RNF19B: variants seen among roughly 807,000 people sequenced by gnomAD.
The protein encoded by RNF19B is ring finger protein 19B.
A neutral mutation model predicts 65.5 loss-of-function variants in RNF19B; 23 were observed. The ratio of observed to expected loss-of-function variants is 0.35; its 90% confidence interval spans 0.25 to 0.50. The LOEUF (loss-of-function observed/expected upper bound fraction) is 0.50. RNF19B is among the 20% of genes least tolerant of loss of function. The pLI, the probability that RNF19B is intolerant of heterozygous loss-of-function variation, is 0.98. For missense variants in RNF19B, 794 were observed against 980.0 expected, an observed-to-expected ratio of 0.81 and a Z score of 2.53; for synonymous variants, 372 against 379.6, an observed-to-expected ratio of 0.98 and a Z score of 0.23.
In RNF19B at chr1:32,963,975, C is replaced by T. The variant is rs909536718; in HGVS notation, c.635+76G>A. On this transcript the variant is annotated intron_variant, in intron 1 of 8. Coordinates refer to ENST00000235150, the MANE Select transcript of RNF19B (RefSeq NM_001300826.2). ...CGGGTTTCCCTGCTTGGGACACCCA[C>T]GCGGGGTCCCTGCTGCCCCCAGCCA... The T allele has an allele frequency of 5.1e-6, 7 of 1,365,584 alleles. No individual in the cohort carries two copies. The Admixed American group carries it at 2.0e-4, about 39-fold the overall frequency. 84.6% of individuals were successfully genotyped at this position (1,365,584 alleles called of 1,614,324 possible).
At chr1:32,935,418 C>T (rs1241470210), downstream of RNF19B, among the ~76,000 whole-genome samples, 16 of 152,146 alleles carry the variant, frequency 1.1e-4, no homozygotes, top group African/African-American at 3.9e-4. Flanking sequence ...GGATTACAGG[C>T]GTGAGCCACT....
At position 32,946,698 on chromosome 1, in the gene RNF19B, A is replaced by T. The variant is rs1397990324; in HGVS notation, c.984-134T>A. 3.9e-6 allele frequency: 3 copies of T among 772,540 alleles called. No homozygotes were observed. The African/African-American group carries it at 5.3e-5, about 14-fold the overall frequency. 47.9% of individuals were successfully genotyped at this position (772,540 alleles called of 1,614,324 possible). ...AGTTTATGGGAAATGAATACATTAC[A>T]CAAGGGAGAGCAAAGGACAAGGCCA... On this transcript the variant is annotated intron_variant, in intron 3 of 8. Coordinates refer to ENST00000235150, the MANE Select transcript of RNF19B (RefSeq NM_001300826.2).
chr1:32,963,126 T>G (rs1371263557), intron 1 of RNF19B, among the ~76,000 whole-genome samples: 1 of 152,114 alleles, frequency 6.6e-6, no homozygotes, highest in Non-Finnish European at 1.5e-5. Flanking sequence ...ATTGAGACTC[T>G]GGACAAAGAA....
intron 7 of RNF19B, among the ~76,000 whole-genome samples, chr1:32,940,970 T>A (rs1642216835): frequency 6.6e-6 from 1 of 152,186 alleles, no homozygotes; most frequent in Non-Finnish European, 1.5e-5. Flanking sequence ...ATGCCTATAA[T>A]CCTAGCACGT....
chr1:32,961,031 C>T (rs1642758885), intron 1 of RNF19B, among the ~76,000 whole-genome samples: 1 of 151,948 alleles, frequency 6.6e-6, no homozygotes. Flanking sequence ...AAAAGAGATG[C>T]AAAGCCACTA....
At chr1:32,930,192 C>T in the RNF19B span, among the ~76,000 whole-genome samples, 1 of 152,054 alleles carries the variant, frequency 6.6e-6, no homozygotes, top group Non-Finnish European at 1.5e-5. Flanking sequence ...TCACTGCAAC[C>T]TCTGCCTCCT....
At chr1:32,942,895 C>CT (rs1642272214) in intron 6 of RNF19B, among the ~76,000 whole-genome samples, 1 of 151,968 alleles carries the variant, frequency 6.6e-6, no homozygotes, top group Non-Finnish European at 1.5e-5. Context: ...ACTTCCAGCA[C>CT]TTTGGGAGGC....
chr1:32,929,611 GAGA>G, the RNF19B span, among the ~76,000 whole-genome samples: 5 of 152,262 alleles, frequency 3.3e-5, no homozygotes, highest in South Asian at 2.1e-4. Context: ...TGGGGAAAAC[GAGA>G]AGATTTATGA....
chr1:32,945,682 C>G, intron 4 of RNF19B, 54 bp from the exon 5 acceptor site: 1 of 1,066,064 alleles, frequency 9.4e-7, no homozygotes, highest in South Asian at 1.3e-5. Context: ...CAATCTTTTG[C>G]CAGAGAAAAA....
rs1305142185 is a variant in RNF19B, at chr1:32,964,405, G to T, written c.281C>A (p.Ala94Glu). 1 of 1,282,080 alleles carries T rather than the reference G, an allele frequency of 7.8e-7. No homozygotes were observed. The highest frequency in any genetic ancestry group is 1.6e-5 in the African/African-American group (1 of 64,290). The allele number at this position is 1,282,080 out of a possible 1,614,324, so 79.4% of individuals were successfully genotyped here. Residue 94 changes from alanine (A) to glutamate (E), a missense_variant, in exon 1 of 9, where the codon GCG (alanine) becomes GAG (glutamate). Ala to Glu is a moderately radical substitution (Grantham distance 107). Coordinates refer to ENST00000235150, the MANE Select transcript of RNF19B (RefSeq NM_001300826.2). The surrounding 1 kb of genome is among the most constrained non-coding windows in gnomAD (Gnocchi z 6.5). Reference protein sequence around the residue: ...PAAEAEAEAAAAAAEPGFDDE... With the variant: ...PAAEAEAEAAEAAAEPGFDDE... ...GTCGAACCCAGGCTCCGCCGCCGCC[G>T]CCGCGGCCTCCGCCTCGGCCTCGGC...
chr1:32,929,768 T>C, the RNF19B span, among the ~76,000 whole-genome samples: 1 of 152,164 alleles, frequency 6.6e-6, no homozygotes. Flanking sequence ...GAAGATTTGT[T>C]TTGCGTTCTA....
At chr1:32,945,653 G>C in intron 4 of RNF19B, 25 bp from the exon 5 acceptor site, 2 of 1,416,806 alleles carry the variant, frequency 1.4e-6, no homozygotes, top group East Asian at 4.6e-5. Context: ...AGAAAATCCA[G>C]GTCAGCAGGT....
At position 32,936,857 on chromosome 1, in the gene RNF19B, T is replaced by G. The variant is rs766485902; in HGVS notation, c.2145A>C (p.Leu715=). 1 of 1,602,814 alleles carries G rather than the reference T, an allele frequency of 6.2e-7. No individual in the cohort carries two copies. The highest frequency in any genetic ancestry group is 8.5e-7 in the Non-Finnish European group (1 of 1,172,176). The change falls in exon 9 of 9, where the codon CTA becomes CTC. Residue 715 remains leucine, a synonymous_variant. Coordinates refer to ENST00000235150, the MANE Select transcript of RNF19B (RefSeq NM_001300826.2). The part of the protein sequence containing the change: ...SPSAHMNLSA[L]AEGQTVLKPE... Reference sequence around the variant, plus strand: ...GCTTCAAGACAGTTTGTCCCTCGGCTAGGGCAGAGAGGTTCATATGGGCAC... The same window carrying G: ...GCTTCAAGACAGTTTGTCCCTCGGCGAGGGCAGAGAGGTTCATATGGGCAC...
At chr1:32,960,489 A>G (rs1173273145) in intron 1 of RNF19B, among the ~76,000 whole-genome samples, 1 of 152,160 alleles carries the variant, frequency 6.6e-6, no homozygotes, top group African/African-American at 2.4e-5. Context: ...AAAACAAAGG[A>G]GCAGTGTGCA....
intron 1 of RNF19B, 81 bp from the exon 2 acceptor site, chr1:32,949,855 T>C (rs1642450622): frequency 1.9e-6 from 2 of 1,031,484 alleles, no homozygotes; most frequent in Non-Finnish European, 1.5e-6. Flanking sequence ...GAGTTAACAA[T>C]GTTTGGCACT....
At chr1:32,941,701 A>T (rs1005528953) in intron 7 of RNF19B, among the ~76,000 whole-genome samples, 3 of 152,166 alleles carry the variant, frequency 2.0e-5, no homozygotes, top group Non-Finnish European at 1.5e-5. Flanking sequence ...TCAAGTCAGG[A>T]TTATTCTTTA....
At chr1:32,945,138 C>A (rs1642335283) in intron 5 of RNF19B, among the ~76,000 whole-genome samples, 1 of 152,146 alleles carries the variant, frequency 6.6e-6, no homozygotes, top group African/African-American at 2.4e-5. Context: ...CTAAAACAAA[C>A]TCTTATGCCT....
Position 32,952,157 on chromosome 1 carries a change from C to A in RNF19B, c.636-2383G>T, listed in dbSNP as rs555954216. 2.0e-5 allele frequency among the ~76,000 whole-genome samples: 3 copies of A among 151,926 alleles called. No homozygotes were observed. In the South Asian group the frequency reaches 6.2e-4, roughly 32 times the overall value. On this transcript the variant is annotated intron_variant, in intron 1 of 8. Coordinates refer to ENST00000235150, the MANE Select transcript of RNF19B (RefSeq NM_001300826.2). Reference sequence around the variant, plus strand: ...TTATCAGCACTAATGTCGACCATTTCTTGTAGTTCATGTTCATTTACCAAG... The same window carrying A: ...TTATCAGCACTAATGTCGACCATTTATTGTAGTTCATGTTCATTTACCAAG...
At chr1:32,933,257 ATTTT>A (rs34130548), downstream of RNF19B, among the ~76,000 whole-genome samples, 2 of 138,088 alleles carry the variant, frequency 1.4e-5, no homozygotes, top group African/African-American at 5.3e-5. Context: ...TATTATTATT[ATTTT>A]TTTTTTTTTG....
Sources: allele counts gnomAD v4.1 joint callset (sites outside exome capture counted in the v4.1 genomes callset), GRCh38; gene constraint gnomAD v4.1.1; non-coding constraint Gnocchi (gnomAD v3.1); transcripts MANE v1.5; gene names NCBI Gene and HGNC (gene_info 2026-07-23, HGNC 2026-07-21).